HAPSTR1: variants seen among roughly 807,000 people sequenced by gnomAD.
The protein encoded by HAPSTR1 is HUWE1-associated protein modifying stress responses 1.
At chr16:9,097,448 G>A in the HAPSTR1 span, among the ~76,000 whole-genome samples, 6 of 151,950 alleles carry the variant, frequency 3.9e-5, no homozygotes, top group African/African-American at 1.5e-4. Context: ...TTGCCATGTT[G>A]CCCAGGCTGG....
At chr16:9,112,269 G>A in the HAPSTR1 span, 1 of 152,328 alleles carries the variant, frequency 6.6e-6, no homozygotes, top group South Asian at 2.1e-4. Context: ...AAGGAGTGCT[G>A]TGCATCTGAA....
chr16:9,106,703 A>G, the HAPSTR1 span: 1 of 151,916 alleles, frequency 6.6e-6, no homozygotes, highest in Non-Finnish European at 1.5e-5. Flanking sequence ...GTCCTATGGG[A>G]CCTAGTCATC....
chr16:9,117,980 G>A, the HAPSTR1 span: 3 of 152,602 alleles, frequency 2.0e-5, no homozygotes, highest in Non-Finnish European at 4.4e-5. Context: ...AAAAAGTTCA[G>A]TTTGGAATCT....
chr16:9,103,216 A>G, the HAPSTR1 span: 1 of 1,614,194 alleles, frequency 6.2e-7, no homozygotes, highest in Non-Finnish European at 8.5e-7. Context: ...GCTCATCTGT[A>G]GAGACTGATT....
chr16:9,121,491 G>A, the HAPSTR1 span: 1 of 152,210 alleles, frequency 6.6e-6, no homozygotes, highest in African/African-American at 2.4e-5. Flanking sequence ...CTCGTATGAA[G>A]GAAGACTTTT....
the HAPSTR1 span, among the ~76,000 whole-genome samples, chr16:9,115,709 G>C: frequency 3.9e-5 from 6 of 152,278 alleles, no homozygotes; most frequent in African/African-American, 1.4e-4. Context: ...CCGCCTCCCG[G>C]GTTCAAGCGA....
chr16:9,109,165 A>C, the HAPSTR1 span: 1 of 152,192 alleles, frequency 6.6e-6, no homozygotes, highest in African/African-American at 2.4e-5. Context: ...TCATGTTGAC[A>C]GACTAGTGAA....
At chr16:9,092,329 G>T in the HAPSTR1 span, 4 of 1,301,048 alleles carry the variant, frequency 3.1e-6, no homozygotes, top group East Asian at 6.3e-5. Flanking sequence ...GCCCGGCCCC[G>T]GCCCTATCGG....
the HAPSTR1 span, among the ~76,000 whole-genome samples, chr16:9,099,357 C>G: frequency 6.6e-6 from 1 of 152,068 alleles, no homozygotes; most frequent in Non-Finnish European, 1.5e-5. Context: ...GCCACCATGC[C>G]TGGCTAATTT....
chr16:9,100,815 A>G, the HAPSTR1 span, among the ~76,000 whole-genome samples: 4 of 152,110 alleles, frequency 2.6e-5, no homozygotes, highest in Non-Finnish European at 5.9e-5. Flanking sequence ...GATTACAGGC[A>G]TGAGCCACCA....
the HAPSTR1 span, among the ~76,000 whole-genome samples, chr16:9,099,249 G>T: frequency 6.8e-6 from 1 of 147,516 alleles, no homozygotes; most frequent in Non-Finnish European, 1.5e-5. Context: ...CCAGCCTGGA[G>T]TGCCATGGTG....
chr16:9,118,227 A>G, the HAPSTR1 span: 1,495 of 152,734 alleles, frequency 9.8e-3, 9 homozygotes, highest in Non-Finnish European at 0.016. Flanking sequence ...TTATTATATT[A>G]TATATCAAGT....
At chr16:9,108,163 A>C in the HAPSTR1 span, 1 of 152,124 alleles carries the variant, frequency 6.6e-6, no homozygotes, top group Admixed American at 6.5e-5. Context: ...TAAAAGCATC[A>C]CACTAAGGAG....
chr16:9,092,227 C>A, the HAPSTR1 span: 1 of 1,585,734 alleles, frequency 6.3e-7, no homozygotes, highest in Non-Finnish European at 8.6e-7. Flanking sequence ...AGCTGTGGCA[C>A]CTCTTCCAGA....
the HAPSTR1 span, chr16:9,103,291 A>C: frequency 1.3e-6 from 2 of 1,597,918 alleles, no homozygotes; most frequent in Admixed American, 1.7e-5. Flanking sequence ...TCTTTGGAAA[A>C]ATGGTTAAGA....
chr16:9,094,070 A>C, the HAPSTR1 span, among the ~76,000 whole-genome samples: 5 of 152,148 alleles, frequency 3.3e-5, no homozygotes, highest in Non-Finnish European at 7.4e-5. Flanking sequence ...TAATTTTTGC[A>C]TAAGAATGTG....
the HAPSTR1 span, among the ~76,000 whole-genome samples, chr16:9,116,133 T>C: frequency 6.6e-6 from 1 of 152,206 alleles, no homozygotes; most frequent in Admixed American, 6.5e-5. Context: ...AGTGACTCTT[T>C]TCGGGCTCAA....
the HAPSTR1 span, chr16:9,109,344 C>G: frequency 7.2e-5 from 11 of 152,088 alleles, no homozygotes; most frequent in Non-Finnish European, 1.5e-4. Context: ...GGCATGGGTC[C>G]TAGGGTGGGG....
the HAPSTR1 span, among the ~76,000 whole-genome samples, chr16:9,115,929 A>T: frequency 6.6e-6 from 1 of 152,126 alleles, no homozygotes; most frequent in Non-Finnish European, 1.5e-5. Flanking sequence ...GTAACTCTTA[A>T]TGTTGAAAAC....
Sources: allele counts gnomAD v4.1 joint callset (sites outside exome capture counted in the v4.1 genomes callset), GRCh38; gene constraint gnomAD v4.1.1; transcripts MANE v1.5; gene names NCBI Gene and HGNC (gene_info 2026-07-23, HGNC 2026-07-21).